The following AFF1 variants were observed in gnomAD, a reference collection of about 807,000 sequenced individuals.
AFF1 encodes AF4/FMR2 family member 1.
AFF1 carries 48 observed loss-of-function variants against 121.7 expected under a neutral mutation model. That is an observed-to-expected ratio of 0.39 (90% CI 0.31 to 0.50). AFF1 has a LOEUF of 0.50. AFF1 is among the 20% of genes least tolerant of loss of function. The pLI, the probability that AFF1 is intolerant of heterozygous loss-of-function variation, is 0.76. For missense variants in AFF1, 1,523 were observed against 1,511.7 expected, an observed-to-expected ratio of 1.01 and a Z score of -0.12; for synonymous variants, 613 against 563.0, an observed-to-expected ratio of 1.09 and a Z score of -1.26.
At chr4:86,995,328 T>C (rs1379334112) in intron 2 of AFF1, among the ~76,000 whole-genome samples, 16 of 99,136 alleles carry the variant, frequency 1.6e-4, no homozygotes, top group African/African-American at 6.9e-4. Flanking sequence ...GGTCTCCCTC[T>C]CCCTCTCTTT....
At chr4:86,969,150 T>C (rs1405136226) in intron 2 of AFF1, among the ~76,000 whole-genome samples, 1 of 143,946 alleles carries the variant, frequency 6.9e-6, no homozygotes, top group Non-Finnish European at 1.5e-5. Flanking sequence ...GACCAGAGGG[T>C]GCATTTGGCT....
chr4:86,986,108 T>G (rs1016924376), intron 2 of AFF1, among the ~76,000 whole-genome samples: 9 of 151,750 alleles, frequency 5.9e-5, no homozygotes, highest in African/African-American at 1.7e-4. Context: ...AATCTCACTC[T>G]GTTGCCCAGG....
intron 2 of AFF1, among the ~76,000 whole-genome samples, chr4:87,003,353 T>C (rs1578035493): frequency 6.6e-6 from 1 of 152,340 alleles, no homozygotes; most frequent in South Asian, 2.1e-4. Context: ...AGCCATGAAG[T>C]CCTGGGCTCA....
chr4:87,006,891 C>T (rs1336701412), intron 2 of AFF1: 27 of 935,602 alleles, frequency 2.9e-5, no homozygotes, highest in Middle Eastern at 5.1e-4. Flanking sequence ...CTAGGGCCGC[C>T]GAGCGCCCTG....
intron 2 of AFF1, among the ~76,000 whole-genome samples, chr4:86,997,639 G>T (rs1050644848): frequency 2.6e-5 from 4 of 151,910 alleles, no homozygotes; most frequent in Admixed American, 1.3e-4. Context: ...ACGGGCGCCT[G>T]TAGTCCCAGC....
At chr4:86,974,812 C>T (rs1723183835) in intron 2 of AFF1, among the ~76,000 whole-genome samples, 1 of 152,286 alleles carries the variant, frequency 6.6e-6, no homozygotes, top group South Asian at 2.1e-4. Context: ...CTAAAACGGG[C>T]GTCGTAATAC....
At chr4:87,129,466 G>C (rs951858892) in intron 16 of AFF1, among the ~76,000 whole-genome samples, 3 of 152,148 alleles carry the variant, frequency 2.0e-5, no homozygotes, top group Admixed American at 1.3e-4. Flanking sequence ...ACACAGTATT[G>C]TAGTTTAGTT....
intron 4 of AFF1, among the ~76,000 whole-genome samples, chr4:87,071,749 A>G (rs1578192332): frequency 6.6e-6 from 1 of 152,248 alleles, no homozygotes; most frequent in East Asian, 1.9e-4. Context: ...TGTTGTTACT[A>G]TTAGAACGGT....
chr4:87,069,588 A>G (rs182084985), intron 4 of AFF1, among the ~76,000 whole-genome samples: 44 of 119,966 alleles, frequency 3.7e-4, no homozygotes, highest in African/African-American at 1.4e-3. Flanking sequence ...TCCCTCTCCT[A>G]TCATCTCTCC....
At chr4:87,010,245 C>G (rs1021741520) in intron 2 of AFF1, among the ~76,000 whole-genome samples, 2 of 152,158 alleles carry the variant, frequency 1.3e-5, no homozygotes, top group African/African-American at 4.8e-5. Flanking sequence ...GAAGACATTT[C>G]TTGACTAAAA....
chr4:87,111,375 A>T (rs930148171), intron 11 of AFF1, among the ~76,000 whole-genome samples: 1 of 151,624 alleles, frequency 6.6e-6, no homozygotes, highest in Non-Finnish European at 1.5e-5. Flanking sequence ...TTTTATTGAG[A>T]TGGAGTCTCA....
At chr4:87,095,973 G>A (rs1339445916) in intron 8 of AFF1, among the ~76,000 whole-genome samples, 1 of 152,088 alleles carries the variant, frequency 6.6e-6, no homozygotes, top group Non-Finnish European at 1.5e-5. Flanking sequence ...TTTGTTCCAT[G>A]TATTTTGGAA....
At chr4:87,114,269 C>G in intron 11 of AFF1, 98 bp from the exon 12 acceptor site, 1 of 1,085,762 alleles carries the variant, frequency 9.2e-7, no homozygotes, top group Non-Finnish European at 1.3e-6. Context: ...AGTATTTGCT[C>G]CTCTGCAGGA....
At chr4:86,982,796 C>T (rs1276658498) in intron 2 of AFF1, among the ~76,000 whole-genome samples, 10 of 135,186 alleles carry the variant, frequency 7.4e-5, no homozygotes, top group African/African-American at 1.4e-4. Context: ...TGTGGTGAGC[C>T]GAGATCGTGC....
At chr4:86,954,932 CTTTATCATATAT>C (rs1170834349) in intron 2 of AFF1, among the ~76,000 whole-genome samples, 1 of 152,056 alleles carries the variant, frequency 6.6e-6, no homozygotes, top group Non-Finnish European at 1.5e-5. Context: ...ATTTAAATAT[CTTTATCATATAT>C]TTTATATTAG....
intron 2 of AFF1, among the ~76,000 whole-genome samples, chr4:86,970,031 G>A (rs970583969): frequency 1.3e-5 from 2 of 151,870 alleles, no homozygotes; most frequent in East Asian, 3.9e-4. Context: ...TCATAGAACA[G>A]GTCTGAAAGG....
intron 8 of AFF1, among the ~76,000 whole-genome samples, chr4:87,102,739 G>A (rs892639151): frequency 1.3e-5 from 2 of 152,232 alleles, no homozygotes; most frequent in East Asian, 1.9e-4. Flanking sequence ...GAAAGAAGAA[G>A]CATATCCATT....
intron 4 of AFF1, among the ~76,000 whole-genome samples, chr4:87,072,445 T>C (rs998752007): frequency 1.3e-5 from 2 of 151,998 alleles, no homozygotes; most frequent in Non-Finnish European, 2.9e-5. Flanking sequence ...TTGGCACTTA[T>C]TAAATACCTA....
chr4:87,133,863 T>C (rs1401595002), intron 19 of AFF1, among the ~76,000 whole-genome samples: 1 of 152,238 alleles, frequency 6.6e-6, no homozygotes, highest in Non-Finnish European at 1.5e-5. Flanking sequence ...AAAGAGGAGA[T>C]AGAGTCTTCT....
Sources: allele counts gnomAD v4.1 joint callset (sites outside exome capture counted in the v4.1 genomes callset), GRCh38; gene constraint gnomAD v4.1.1; transcripts MANE v1.5; gene names NCBI Gene and HGNC (gene_info 2026-07-23, HGNC 2026-07-21).